GLIS3: variants seen among roughly 807,000 people sequenced by gnomAD.
GLIS3 encodes the protein zinc finger protein GLIS3.
In GLIS3, 53 loss-of-function variants were observed where a neutral mutation model predicts 78.6. The ratio of observed to expected loss-of-function variants is 0.67; its 90% CI spans 0.54 to 0.85. The LOEUF (loss-of-function observed/expected upper bound fraction) is 0.85. GLIS3 is among the 40% of genes least tolerant of loss of function. GLIS3 has a pLI of 0.00. For synonymous variants in GLIS3, 684 were observed against 509.9 expected (o/e 1.34, Z -4.60); for missense variants, 1,703 against 1,231.1 (o/e 1.38, Z -5.74).
At chr9:4,337,191 C>A (rs10974478) in intron 2 of GLIS3, among the ~76,000 whole-genome samples, 19,781 of 152,130 alleles carry the variant, frequency 0.13, 1,323 homozygotes, top group Middle Eastern at 0.16. Context: ...ATCATTTAAC[C>A]CCAAAACTCT....
At chr9:4,186,355 T>C (rs1325202019) in intron 2 of GLIS3, among the ~76,000 whole-genome samples, 5 of 152,044 alleles carry the variant, frequency 3.3e-5, no homozygotes, top group Non-Finnish European at 5.9e-5. Context: ...TGCATAGTAT[T>C]CCATGGTGTA....
At chr9:4,414,272 G>C in the GLIS3 span, among the ~76,000 whole-genome samples, 1 of 152,202 alleles carries the variant, frequency 6.6e-6, no homozygotes, top group Non-Finnish European at 1.5e-5. Context: ...GCATGAGCAA[G>C]ATTTCTGATA....
chr9:4,426,927 T>A, the GLIS3 span, among the ~76,000 whole-genome samples: 1 of 152,250 alleles, frequency 6.6e-6, no homozygotes, highest in Non-Finnish European at 1.5e-5. Flanking sequence ...CAGTTACTTA[T>A]ACACTTTTGC....
chr9:3,941,285 G>A (rs573902648), intron 4 of GLIS3, among the ~76,000 whole-genome samples: 2 of 152,156 alleles, frequency 1.3e-5, no homozygotes, highest in African/African-American at 4.8e-5. Flanking sequence ...TTCCACAGCA[G>A]GGCAAAAAGG....
intron 6 of GLIS3, among the ~76,000 whole-genome samples, 155 bp downstream of exon 6, chr9:3,932,205 C>T (rs1825664008): frequency 6.6e-6 from 1 of 151,986 alleles, no homozygotes; most frequent in South Asian, 2.1e-4. Context: ...CATAGCCTTG[C>T]TATTACTTCA....
At chr9:3,852,576 C>T (rs999368024) in intron 9 of GLIS3, among the ~76,000 whole-genome samples, 1 of 152,160 alleles carries the variant, frequency 6.6e-6, no homozygotes, top group Admixed American at 6.5e-5. Flanking sequence ...CATTGTATTG[C>T]CCACTTGAAA....
chr9:4,364,077 T>A, the GLIS3 span, among the ~76,000 whole-genome samples: 1 of 152,206 alleles, frequency 6.6e-6, no homozygotes, highest in African/African-American at 2.4e-5. Flanking sequence ...GCATATACCA[T>A]TTATGCAAAA....
the GLIS3 span, among the ~76,000 whole-genome samples, chr9:4,365,698 A>C: frequency 6.6e-6 from 1 of 152,260 alleles, no homozygotes; most frequent in Non-Finnish European, 1.5e-5. Flanking sequence ...CTGGATGACT[A>C]CTTGCTTGCA....
the GLIS3 span, among the ~76,000 whole-genome samples, chr9:4,483,651 C>T: frequency 1.2e-4 from 18 of 145,256 alleles, no homozygotes; most frequent in Admixed American, 7.2e-4. Flanking sequence ...ACCTGGGAGG[C>T]GGAGGATGCA....
intron 9 of GLIS3, among the ~76,000 whole-genome samples, chr9:3,851,283 G>A (rs1273838122): frequency 6.6e-6 from 1 of 152,178 alleles, no homozygotes; most frequent in African/African-American, 2.4e-5. Context: ...AGTGTCCTAA[G>A]GAGAAAGAAA....
In GLIS3 at chr9:3,825,617, T is replaced by C. The variant is rs1374594544; in HGVS notation, c.*2655A>G. 1 of 152,208 alleles carries C rather than the reference T, an allele frequency of 6.6e-6. No individual in the cohort carries two copies. Among genetic ancestry groups the C allele is most frequent in the Non-Finnish European group, 1.5e-5 (1 of 68,034 alleles). The allele number at this position is 152,208 out of a possible 1,614,324, so 9.4% of individuals were successfully genotyped here. ...GGAATGATTTTTTTGAAGTTTCCACTTGTACTGCTGCAAAAATAATGATGA... is the reference window on the plus strand; with the variant it reads ...GGAATGATTTTTTTGAAGTTTCCACCTGTACTGCTGCAAAAATAATGATGA... On this transcript the variant is annotated 3_prime_UTR_variant, in exon 11 of 11. Coordinates refer to ENST00000381971, the MANE Select transcript of GLIS3 (RefSeq NM_001042413.2).
chr9:4,451,564 T>A, the GLIS3 span, among the ~76,000 whole-genome samples: 1 of 152,102 alleles, frequency 6.6e-6, no homozygotes, highest in Admixed American at 6.6e-5. Flanking sequence ...CAGCACTACA[T>A]CGCACTTACC....
intron 4 of GLIS3, among the ~76,000 whole-genome samples, chr9:4,031,558 T>G (rs1823836695): frequency 6.6e-6 from 1 of 152,228 alleles, no homozygotes; most frequent in Non-Finnish European, 1.5e-5. Context: ...AAACTTGATA[T>G]AAGTGATGGT....
At position 3,828,093 on chromosome 9, in the gene GLIS3, A is replaced by G. The variant is rs1817821648; in HGVS notation, c.*179T>C. 1.5e-6 allele frequency: 1 copy of G among 684,996 alleles called. No individual in the cohort carries two copies. The highest frequency in any genetic ancestry group is 2.5e-6 in the Non-Finnish European group (1 of 396,092). 42.4% of individuals were successfully genotyped at this position (684,996 alleles called of 1,614,324 possible). Reference sequence around the variant, plus strand: ...ACCAGAGAGAAAAAGGAGCAACTGTAATGATTCCTGCAAAGCTAGCTCTGC... The same window carrying G: ...ACCAGAGAGAAAAAGGAGCAACTGTGATGATTCCTGCAAAGCTAGCTCTGC... On this transcript the variant is annotated 3_prime_UTR_variant, in exon 11 of 11. Coordinates refer to ENST00000381971, the MANE Select transcript of GLIS3 (RefSeq NM_001042413.2).
intron 4 of GLIS3, among the ~76,000 whole-genome samples, chr9:4,044,403 C>G (rs902369043): frequency 5.3e-5 from 8 of 152,184 alleles, no homozygotes. Flanking sequence ...GTTCCTTTCC[C>G]TTAGGAAAAT....
At chr9:3,990,906 T>C (rs1457116590) in intron 4 of GLIS3, among the ~76,000 whole-genome samples, 1 of 152,190 alleles carries the variant, frequency 6.6e-6, no homozygotes, top group Non-Finnish European at 1.5e-5. Context: ...CCCTCAATTT[T>C]GAAAAACAGG....
intron 2 of GLIS3, among the ~76,000 whole-genome samples, chr9:4,259,941 T>C (rs1825348789): frequency 6.6e-6 from 1 of 152,258 alleles, no homozygotes; most frequent in Non-Finnish European, 1.5e-5. Context: ...CTGAGTTATT[T>C]TCACCAGCAG....
intron 4 of GLIS3, among the ~76,000 whole-genome samples, chr9:4,046,931 A>C (rs1275452819): frequency 6.6e-6 from 1 of 152,226 alleles, no homozygotes; most frequent in East Asian, 1.9e-4. Context: ...ATGTGAAAAC[A>C]GTTTAAGCCC....
the GLIS3 span, among the ~76,000 whole-genome samples, chr9:4,396,063 C>T: frequency 2.6e-5 from 4 of 151,230 alleles, no homozygotes; most frequent in South Asian, 2.1e-4. Flanking sequence ...TGAGCCACTG[C>T]GCCTAGCCTG....
Sources: gnomAD v4.1 joint callset for allele counts (sites outside exome capture counted in the v4.1 genomes callset) on GRCh38, gnomAD v4.1.1 for gene constraint, MANE v1.5 for transcripts, NCBI Gene and HGNC (gene_info 2026-07-23, HGNC 2026-07-21) for gene names.